PREX1: variants seen among roughly 807,000 people sequenced by gnomAD.
The protein encoded by PREX1 is phosphatidylinositol-3,4,5-trisphosphate dependent Rac exchange factor 1.
In PREX1, 41 loss-of-function variants were observed where a neutral mutation model predicts 198.3. That is an observed-to-expected ratio of 0.21 (90% CI 0.16 to 0.27). The LOEUF is 0.27. PREX1 is among the 10% of genes least tolerant of loss of function. PREX1 has a pLI of 1.00. For missense variants in PREX1, 1,620 were observed against 2,200.7 expected (o/e 0.74, Z 5.28); for synonymous variants, 843 against 887.2 (o/e 0.95, Z 0.89).
At chr20:48,867,793 TCAAA>T in the PREX1 span, among the ~76,000 whole-genome samples, 86 of 151,908 alleles carry the variant, frequency 5.7e-4, 1 homozygote, top group Admixed American at 9.8e-4. Context: ...AGACTCTGTC[TCAAA>T]CAAACAAACA....
chr20:48,792,425 G>A (rs552090181), intron 1 of PREX1, among the ~76,000 whole-genome samples: 37 of 152,100 alleles, frequency 2.4e-4, no homozygotes, highest in African/African-American at 5.8e-4. Flanking sequence ...AGCCAAGATC[G>A]CGCCACTGCA....
At chr20:48,754,539 C>T (rs2090148418) in intron 1 of PREX1, among the ~76,000 whole-genome samples, 1 of 152,004 alleles carries the variant, frequency 6.6e-6, no homozygotes, top group Non-Finnish European at 1.5e-5. Flanking sequence ...AGAAAGAGGC[C>T]TTGAAGTCAC....
intron 1 of PREX1, among the ~76,000 whole-genome samples, chr20:48,799,568 T>C (rs1204499139): frequency 2.0e-5 from 3 of 152,206 alleles, no homozygotes; most frequent in African/African-American, 7.2e-5. Flanking sequence ...AGCCACCCTC[T>C]GGGGCCCCAG....
intron 32 of PREX1, among the ~76,000 whole-genome samples, chr20:48,635,673 C>A (rs2089357162): frequency 6.6e-6 from 1 of 152,224 alleles, no homozygotes; most frequent in Admixed American, 6.5e-5. Context: ...CAGTGCCCGC[C>A]AAGCTTCCTG....
chr20:48,653,553 T>G (rs1027098402), intron 19 of PREX1, 56 bp from the exon 20 acceptor site: 82 of 1,572,840 alleles, frequency 5.2e-5, no homozygotes, highest in Admixed American at 2.4e-4. Context: ...AGCAGCCCGC[T>G]GAACACTGTC....
chr20:48,767,853 T>C (rs1377586315), intron 1 of PREX1, among the ~76,000 whole-genome samples: 4 of 152,104 alleles, frequency 2.6e-5, no homozygotes, highest in Admixed American at 1.3e-4. Flanking sequence ...CCCCTGACCA[T>C]CCTGGCTGAA....
chr20:48,712,478 T>C (rs761992898), intron 5 of PREX1, among the ~76,000 whole-genome samples: 1 of 152,176 alleles, frequency 6.6e-6, no homozygotes, highest in Non-Finnish European at 1.5e-5. Flanking sequence ...TGCCACCATA[T>C]CTGCTCCTCC....
chr20:48,878,399 G>A, the PREX1 span, among the ~76,000 whole-genome samples: 1 of 151,826 alleles, frequency 6.6e-6, no homozygotes, highest in Admixed American at 6.6e-5. Flanking sequence ...GAGTGCAGTG[G>A]CACGATCTCG....
intron 33 of PREX1, among the ~76,000 whole-genome samples, chr20:48,634,203 A>G (rs374744077): frequency 7.2e-6 from 1 of 138,124 alleles, no homozygotes; most frequent in East Asian, 2.5e-4. Context: ...TGGATGGATA[A>G]ATAAATGGGT....
the PREX1 span, among the ~76,000 whole-genome samples, chr20:48,836,227 C>CAG: frequency 6.6e-6 from 1 of 152,126 alleles, no homozygotes; most frequent in Non-Finnish European, 1.5e-5. Context: ...ATCCACAATC[C>CAG]TGAGGTTCCA....
At chr20:48,717,488 C>T (rs1036402255) in intron 5 of PREX1, among the ~76,000 whole-genome samples, 1 of 125,596 alleles carries the variant, frequency 8.0e-6, no homozygotes, top group African/African-American at 3.6e-5. Context: ...AGGATACCCA[C>T]CACCACTTTA....
intron 10 of PREX1, among the ~76,000 whole-genome samples, chr20:48,683,937 G>C (rs1361673480): frequency 6.6e-6 from 1 of 152,070 alleles, no homozygotes; most frequent in Non-Finnish European, 1.5e-5. Flanking sequence ...GGAAACCAGC[G>C]ATCTGCCAGT....
intron 6 of PREX1, among the ~76,000 whole-genome samples, chr20:48,707,825 G>C (rs1459329699): frequency 1.3e-5 from 2 of 152,178 alleles, no homozygotes; most frequent in Non-Finnish European, 2.9e-5. Flanking sequence ...CTGAAGTTCA[G>C]AGAAGTGATG....
intron 33 of PREX1, among the ~76,000 whole-genome samples, chr20:48,633,603 G>A (rs368653866): frequency 9.2e-5 from 14 of 152,276 alleles, no homozygotes; most frequent in East Asian, 3.9e-4. Flanking sequence ...TTCTGAGGCC[G>A]TAGTTCTGGC....
chr20:48,878,646 C>T, the PREX1 span, among the ~76,000 whole-genome samples: 1 of 152,126 alleles, frequency 6.6e-6, no homozygotes, highest in Non-Finnish European at 1.5e-5. Context: ...CCACATTCCC[C>T]TTTTTCTGGC....
chr20:48,639,762 C>G lies in PREX1; in HGVS notation c.3904+4G>C. 6.2e-7 allele frequency: 1 copy of G among 1,613,240 alleles called. No homozygotes were observed. The highest frequency in any genetic ancestry group is 1.1e-5 in the South Asian group (1 of 91,020). On this transcript the variant is annotated splice_donor_region_variant and intron_variant, in intron 30 of 39. Transcript: ENST00000371941. ...ACCATGATGCACCCTCCCTGCCCACCGACCTTCCACATATCTCTGAATGTT... is the reference window on the plus strand; with the variant it reads ...ACCATGATGCACCCTCCCTGCCCACGGACCTTCCACATATCTCTGAATGTT...
At chr20:48,661,468 TAC>T (rs778376565) in intron 15 of PREX1, among the ~76,000 whole-genome samples, 1,560 of 76,710 alleles carry the variant, frequency 0.02, 46 homozygotes, top group Middle Eastern at 0.061. Context: ...TATATATATA[TAC>T]ACACACATAT....
chr20:48,671,136 C>T (rs1328719957), intron 14 of PREX1, among the ~76,000 whole-genome samples: 15 of 152,178 alleles, frequency 9.9e-5, no homozygotes, highest in Non-Finnish European at 1.3e-4. Flanking sequence ...TCAGCAATCT[C>T]GGTTCTCTTC....
intron 10 of PREX1, among the ~76,000 whole-genome samples, chr20:48,682,934 A>G (rs2123024901): frequency 6.6e-6 from 1 of 152,276 alleles, no homozygotes; most frequent in Admixed American, 6.5e-5. Context: ...TTAGCTTCCT[A>G]GTGTTTGGCA....
Sources: allele counts gnomAD v4.1 joint callset (sites outside exome capture counted in the v4.1 genomes callset), GRCh38; gene constraint gnomAD v4.1.1; transcripts MANE v1.5; gene names NCBI Gene and HGNC (gene_info 2026-07-23, HGNC 2026-07-21).